KIAA1217: variants seen among roughly 807,000 people sequenced by gnomAD.
The protein encoded by KIAA1217 is sickle tail protein homolog.
Under a neutral mutation model 163.9 loss-of-function variants are expected in KIAA1217, and 88 were observed. The observed-to-expected ratio is 0.54, with a 90% CI of 0.45 to 0.64. The LOEUF (loss-of-function observed/expected upper bound fraction) is 0.64. Ranked by LOEUF, KIAA1217 falls within the 30% of genes least tolerant of loss-of-function variation. The pLI, the probability that KIAA1217 is intolerant of heterozygous loss-of-function variation, is 0.00. For missense variants in KIAA1217, 2,372 were observed against 2,475.0 expected (o/e 0.96, Z 0.88); for synonymous variants, 903 against 923.1 (o/e 0.98, Z 0.39).
intron 1 of KIAA1217, among the ~76,000 whole-genome samples, chr10:23,958,731 G>A (rs1213885502): frequency 2.0e-5 from 3 of 152,042 alleles, no homozygotes; most frequent in African/African-American, 4.8e-5. Flanking sequence ...CTTAACCCGA[G>A]CGAGTTTAGG....
At chr10:23,828,245 A>G (rs926972393) in intron 1 of KIAA1217, among the ~76,000 whole-genome samples, 1 of 152,010 alleles carries the variant, frequency 6.6e-6, no homozygotes, top group African/African-American at 2.4e-5. Flanking sequence ...ACCATACCTA[A>G]TTGTGCCAGT....
At position 24,263,089 on chromosome 10, in the gene KIAA1217, G is replaced by T. The variant is rs533788921; in HGVS notation, c.354+43180G>T. ...GCAACCACTTTATGCTGTCTCTGAG[G>T]TTGTTCATTCCAGTTTTCCTGCTTT... is the stretch of plus-strand genomic sequence containing the variant. On this transcript the variant is annotated intron_variant, in intron 2 of 20. Transcript: ENST00000376454. Among the ~76,000 whole-genome samples, 4 of 152,334 alleles carry T rather than the reference G, an allele frequency of 2.6e-5. No individual in the cohort carries two copies. The East Asian group carries it at 7.7e-4, about 29-fold the overall frequency.
At chr10:24,433,427 A>C (rs1343723555) in intron 4 of KIAA1217, among the ~76,000 whole-genome samples, 1 of 151,994 alleles carries the variant, frequency 6.6e-6, no homozygotes, top group East Asian at 1.9e-4. Flanking sequence ...CATTATCCTG[A>C]TTGGTTGGGC....
rs113250055 is a variant in KIAA1217, at chr10:24,251,388, G to C, written c.354+31479G>C. Among the ~76,000 whole-genome samples, 570 of 73,948 alleles carry C rather than the reference G, an allele frequency of 7.7e-3. 3 individuals are homozygous for C. The highest frequency in any genetic ancestry group is 0.01 in the Non-Finnish European group (410 of 40,452). The allele number at this position is 73,948 out of a possible 152,430, so 48.5% of individuals were successfully genotyped here. ...TGCATTCTAGCCTAAGAAACAGAAAGAGACACTGTCTCAAAAAAAAAAAAA... is the reference window on the plus strand; with the variant it reads ...TGCATTCTAGCCTAAGAAACAGAAACAGACACTGTCTCAAAAAAAAAAAAA... On this transcript the variant is annotated intron_variant, in intron 2 of 20. Transcript: ENST00000376454.
intron 3 of KIAA1217, among the ~76,000 whole-genome samples, chr10:24,423,234 A>G (rs766179563): frequency 2.7e-5 from 4 of 150,556 alleles, no homozygotes; most frequent in South Asian, 2.1e-4. Flanking sequence ...AACTTTTAAC[A>G]TGTTCTTTCA....
intron 2 of KIAA1217, among the ~76,000 whole-genome samples, chr10:24,263,593 A>G (rs1016199985): frequency 6.6e-6 from 1 of 152,086 alleles, no homozygotes; most frequent in African/African-American, 2.4e-5. Context: ...AGCCAAAGGT[A>G]TATTATCTGT....
Position 23,713,314 on chromosome 10 carries a change from C to T in KIAA1217, c.-321+18080C>T, listed in dbSNP as rs150955126. The stretch of plus-strand genomic sequence containing the variant: ...TTTCTCCATTTCTAAGACCGTAAGG[C>T]CAATATCAAGAGCTATTGCTTTCAG... On this transcript the variant is annotated intron_variant, in intron 1 of 18. Coordinates refer to the KIAA1217 transcript ENST00000376462. Among the ~76,000 whole-genome samples, 44 of 152,186 alleles carry T rather than the reference C, an allele frequency of 2.9e-4. No homozygotes were observed. The East Asian group carries it at 8.1e-3, about 28-fold the overall frequency.
At chr10:23,857,655 G>T (rs1412776544) in intron 1 of KIAA1217, among the ~76,000 whole-genome samples, 1 of 152,144 alleles carries the variant, frequency 6.6e-6, no homozygotes, top group Non-Finnish European at 1.5e-5. Flanking sequence ...GCACGCTTTT[G>T]ATGCATAGCT....
chr10:24,500,018 T>C (rs1353958966), intron 8 of KIAA1217, among the ~76,000 whole-genome samples: 1 of 152,144 alleles, frequency 6.6e-6, no homozygotes, highest in Non-Finnish European at 1.5e-5. Context: ...GGCTGAGTTG[T>C]GTGTGCTGGA....
intron 2 of KIAA1217, among the ~76,000 whole-genome samples, chr10:24,174,903 G>A (rs2065797741): frequency 6.6e-6 from 1 of 152,076 alleles, no homozygotes; most frequent in East Asian, 1.9e-4. Flanking sequence ...TGTCACCCAG[G>A]CTGGAGTGCA....
intron 17 of KIAA1217, among the ~76,000 whole-genome samples, chr10:24,538,664 G>T (rs530670975): frequency 6.9e-6 from 1 of 145,396 alleles, no homozygotes; most frequent in East Asian, 2.1e-4. Context: ...GGAAAAGAAA[G>T]AAAACCTACT....
intron 2 of KIAA1217, among the ~76,000 whole-genome samples, chr10:24,281,874 G>A (rs568504002): frequency 2.6e-5 from 4 of 152,086 alleles, no homozygotes; most frequent in Non-Finnish European, 4.4e-5. Context: ...TGGCTAACAC[G>A]GTGAAATCCC....
intron 1 of KIAA1217, among the ~76,000 whole-genome samples, chr10:23,720,532 T>C (rs552895948): frequency 9.9e-5 from 15 of 152,090 alleles, no homozygotes; most frequent in Admixed American, 5.9e-4. Context: ...GAACGAGGGT[T>C]TGGGAGTGGG....
At chr10:23,752,840 C>G (rs1257700751) in intron 1 of KIAA1217, among the ~76,000 whole-genome samples, 1 of 151,944 alleles carries the variant, frequency 6.6e-6, no homozygotes, top group Non-Finnish European at 1.5e-5. Flanking sequence ...TGGGTATTAC[C>G]CAACAACTTC....
At chr10:24,158,118 A>G in intron 2 of KIAA1217, 1 of 754,766 alleles carries the variant, frequency 1.3e-6, no homozygotes, top group South Asian at 1.3e-5. Context: ...ATATATGATG[A>G]CATTTCTAGC....
intron 6 of KIAA1217, among the ~76,000 whole-genome samples, chr10:24,493,720 A>C (rs1321097626): frequency 6.6e-6 from 1 of 152,210 alleles, no homozygotes; most frequent in African/African-American, 2.4e-5. Context: ...CTCCAGGCTA[A>C]AGTTCCTATG....
intron 1 of KIAA1217, among the ~76,000 whole-genome samples, chr10:23,826,849 C>T (rs1039153000): frequency 6.6e-6 from 1 of 152,166 alleles, no homozygotes; most frequent in African/African-American, 2.4e-5. Context: ...GCTTCGTGAA[C>T]TGTTTCTCTG....
intron 2 of KIAA1217, among the ~76,000 whole-genome samples, chr10:24,146,326 G>C (rs898697982): frequency 1.3e-5 from 2 of 152,182 alleles, no homozygotes; most frequent in African/African-American, 4.8e-5. Flanking sequence ...AGCATATGAA[G>C]AAATAGTCTC....
chr10:23,936,394 G>A (rs951879206), intron 1 of KIAA1217, among the ~76,000 whole-genome samples: 2 of 152,174 alleles, frequency 1.3e-5, no homozygotes, highest in Non-Finnish European at 2.9e-5. Flanking sequence ...ATATGTCTAG[G>A]TTCCAGCCCC....
Sources: gnomAD v4.1 joint callset for allele counts (sites outside exome capture counted in the v4.1 genomes callset) on GRCh38, gnomAD v4.1.1 for gene constraint, MANE v1.5 for transcripts, NCBI Gene and HGNC (gene_info 2026-07-23, HGNC 2026-07-21) for gene names.